FNIP2: variants seen among roughly 807,000 people sequenced by gnomAD.
The protein encoded by FNIP2 is folliculin interacting protein 2, also known as folliculin-interacting protein 2.
Under a neutral mutation model 108.7 loss-of-function variants are expected in FNIP2, and 32 were observed. That is an observed-to-expected ratio of 0.29 (90% CI 0.22 to 0.40). The LOEUF is 0.40. FNIP2 is among the 10% of genes least tolerant of loss of function. The pLI, the probability that FNIP2 is intolerant of heterozygous loss-of-function variation, is 1.00. For missense variants in FNIP2, 1,202 were observed against 1,381.6 expected (o/e 0.87, Z 2.06); for synonymous variants, 480 against 496.7 (o/e 0.97, Z 0.45).
intron 1 of FNIP2, among the ~76,000 whole-genome samples, chr4:158,795,070 G>A (rs149238018): frequency 2.0e-5 from 3 of 152,284 alleles, no homozygotes; most frequent in East Asian, 3.9e-4. Flanking sequence ...AACTGAATCC[G>A]TTTAAGAACT....
chr4:158,855,408 A>G (rs1302256946), intron 8 of FNIP2, among the ~76,000 whole-genome samples: 5 of 152,152 alleles, frequency 3.3e-5, no homozygotes, highest in Non-Finnish European at 7.4e-5. Flanking sequence ...CACCGAGAAC[A>G]TGAGTGTGGC....
At chr4:158,857,820 T>C (rs1780071554) in intron 8 of FNIP2, among the ~76,000 whole-genome samples, 1 of 149,536 alleles carries the variant, frequency 6.7e-6, no homozygotes, top group Non-Finnish European at 1.5e-5. Flanking sequence ...TGGTGGCATG[T>C]GCCTGTAGTC....
chr4:158,897,191 A>G (rs1782771725), intron 16 of FNIP2, among the ~76,000 whole-genome samples: 1 of 152,202 alleles, frequency 6.6e-6, no homozygotes, highest in African/African-American at 2.4e-5. Flanking sequence ...TTATGGTTGC[A>G]TAGTATTCCA....
intron 1 of FNIP2, among the ~76,000 whole-genome samples, chr4:158,787,501 C>T (rs992683972): frequency 1.3e-5 from 2 of 152,174 alleles, no homozygotes; most frequent in African/African-American, 2.4e-5. Flanking sequence ...AAGGCTCACT[C>T]ACCAGGGCTA....
At chr4:158,789,386 A>T (rs957936394) in intron 1 of FNIP2, among the ~76,000 whole-genome samples, 3 of 152,158 alleles carry the variant, frequency 2.0e-5, no homozygotes, top group Non-Finnish European at 2.9e-5. Context: ...CATACCTAAG[A>T]TACTATGTTA....
chr4:158,854,581 G>A lies in FNIP2; in HGVS notation c.857+3131G>A, dbSNP rs185005067. ...GTCATGGCTCCTGTAACAAATACAG[G>A]TTAACAAGAGAGAAACATAACAATT... On this transcript the variant is annotated intron_variant, in intron 8 of 16. Transcript: ENST00000264433. Among the ~76,000 whole-genome samples the A allele has an allele frequency of 1.8e-3, 268 of 152,344 alleles. 1 individual carries two copies. The highest frequency in any genetic ancestry group is 0.013 in the South Asian group (65 of 4,828).
chr4:158,821,122 T>C (rs957379009), intron 1 of FNIP2, among the ~76,000 whole-genome samples: 18 of 152,218 alleles, frequency 1.2e-4, no homozygotes, highest in African/African-American at 4.3e-4. Context: ...CTGGCTTCAA[T>C]GCTAACCAGG....
chr4:158,825,528 C>G (rs1273068255), intron 1 of FNIP2, among the ~76,000 whole-genome samples: 1 of 152,222 alleles, frequency 6.6e-6, no homozygotes, highest in Non-Finnish European at 1.5e-5. Flanking sequence ...ACACAGAAGC[C>G]TTAACACTCC....
chr4:158,773,682 A>G (rs1775769262), intron 1 of FNIP2, among the ~76,000 whole-genome samples: 1 of 152,102 alleles, frequency 6.6e-6, no homozygotes, highest in African/African-American at 2.4e-5. Context: ...CTTTCTGTAG[A>G]TGAGAGTTGA....
At position 158,859,271 on chromosome 4, in the gene FNIP2, T is replaced by C; in HGVS notation, c.1059+13T>C. On this transcript the variant is annotated intron_variant, in intron 9 of 16. Transcript: ENST00000264433. ...TGCAATTGAAAAGGTAATAAGGATG[T>C]AATCCAAAGTCAAATAGAGAAGTGA... The C allele has an allele frequency of 6.3e-7, 1 of 1,587,596 alleles. No individual in the cohort carries two copies. The highest frequency in any genetic ancestry group is 8.6e-7 in the Non-Finnish European group (1 of 1,164,812).
chr4:158,805,354 G>A (rs1000326985), intron 1 of FNIP2, among the ~76,000 whole-genome samples: 7 of 152,150 alleles, frequency 4.6e-5, no homozygotes, highest in African/African-American at 7.2e-5. Flanking sequence ...TGTTTTCTTC[G>A]TGAACCCACA....
intron 3 of FNIP2, 29 bp downstream of exon 3, chr4:158,829,254 C>A: frequency 6.4e-7 from 1 of 1,557,704 alleles, no homozygotes; most frequent in Non-Finnish European, 8.7e-7. Context: ...TGGGAATAGC[C>A]CCTGAGGTTA....
chr4:158,770,413 G>A (rs1207315718), intron 1 of FNIP2, among the ~76,000 whole-genome samples: 1 of 152,132 alleles, frequency 6.6e-6, no homozygotes, highest in Non-Finnish European at 1.5e-5. Flanking sequence ...AACAGATCTA[G>A]ACCCAGTATA....
chr4:158,797,571 A>G (rs945239496), intron 1 of FNIP2, among the ~76,000 whole-genome samples: 1 of 152,138 alleles, frequency 6.6e-6, no homozygotes, highest in African/African-American at 2.4e-5. Context: ...ATGGTGGCGC[A>G]TGCCTGTAGT....
At chr4:158,770,263 A>G (rs887334916) in intron 1 of FNIP2, among the ~76,000 whole-genome samples, 3 of 152,120 alleles carry the variant, frequency 2.0e-5, no homozygotes, top group African/African-American at 7.2e-5. Flanking sequence ...AATGTCCTAT[A>G]TTGCCTTTGA....
intron 1 of FNIP2, chr4:158,806,200 C>T (rs1560765257): frequency 2.4e-6 from 3 of 1,271,106 alleles, no homozygotes; most frequent in Non-Finnish European, 3.1e-6. Context: ...TCTCCAAGTC[C>T]ATGTTTATGG....
At position 158,906,314 on chromosome 4, in the gene FNIP2, A is replaced by G. The variant is rs554863139; in HGVS notation, c.*1770A>G. The G allele has an allele frequency of 1.3e-5, 2 of 152,272 alleles. No homozygotes were observed. The highest frequency in any genetic ancestry group is 4.1e-4 in the South Asian group (2 of 4,830). 9.4% of individuals were successfully genotyped at this position (152,272 alleles called of 1,614,324 possible). On this transcript the variant is annotated 3_prime_UTR_variant, in exon 17 of 17. Coordinates refer to ENST00000264433, the MANE Select transcript of FNIP2 (RefSeq NM_020840.3). ...TGTCAGAGCTGATGTTACAGCTTTT[A>G]CAGTTTAAAGCATTCCCCTCGTCTC...
At chr4:158,782,092 C>T (rs1776070272) in intron 1 of FNIP2, among the ~76,000 whole-genome samples, 1 of 151,728 alleles carries the variant, frequency 6.6e-6, no homozygotes, top group South Asian at 2.1e-4. Context: ...GTATTAAATG[C>T]ATCTCTACTG....
chr4:158,817,677 A>G (rs1225539834), intron 1 of FNIP2, among the ~76,000 whole-genome samples: 2 of 151,908 alleles, frequency 1.3e-5, no homozygotes, highest in African/African-American at 4.8e-5. Flanking sequence ...CTCCCCAGTT[A>G]GCTGGGATCA....
Sources: gnomAD v4.1 joint callset for allele counts (sites outside exome capture counted in the v4.1 genomes callset) on GRCh38, gnomAD v4.1.1 for gene constraint, MANE v1.5 for transcripts, NCBI Gene and HGNC (gene_info 2026-07-23, HGNC 2026-07-21) for gene names.